Variants in SLC14A2 observed in about 807,000 individuals in gnomAD.
SLC14A2 encodes urea transporter 2.
Under a neutral mutation model 104.6 loss-of-function variants are expected in SLC14A2, and 91 were observed. The observed-to-expected ratio is 0.87, with a 90% CI of 0.73 to 1.04. The LOEUF is 1.04. Ranked by LOEUF, SLC14A2 falls within the 50% of genes least tolerant of loss-of-function variation. The pLI, the probability that SLC14A2 is intolerant of heterozygous loss-of-function variation, is 0.00. For synonymous variants in SLC14A2, 476 were observed against 466.4 expected (o/e 1.02, Z -0.27); for missense variants, 1,189 against 1,156.0 (o/e 1.03, Z -0.41).
chr18:45,186,660 C>G, the SLC14A2 span, among the ~76,000 whole-genome samples: 1 of 152,180 alleles, frequency 6.6e-6, no homozygotes, highest in Non-Finnish European at 1.5e-5. Context: ...ACTCCCAGAT[C>G]TGGAGAGACA....
At chr18:45,568,111 C>T (rs1395284119) in intron 2 of SLC14A2, among the ~76,000 whole-genome samples, 1 of 152,204 alleles carries the variant, frequency 6.6e-6, no homozygotes. Flanking sequence ...GGGCACCAGA[C>T]CCCTCAAAAT....
intron 2 of SLC14A2, among the ~76,000 whole-genome samples, chr18:45,556,138 G>T (rs542435786): frequency 6.6e-6 from 1 of 152,224 alleles, no homozygotes; most frequent in South Asian, 2.1e-4. Context: ...GGTGAAAGGG[G>T]CAAAGACACT....
At chr18:45,242,300 T>C (rs2084325933) in intron 1 of SLC14A2, among the ~76,000 whole-genome samples, 1 of 152,210 alleles carries the variant, frequency 6.6e-6, no homozygotes, top group South Asian at 2.1e-4. Flanking sequence ...TACATTTTCA[T>C]GTAACTTATG....
Position 45,672,052 on chromosome 18 carries a change from T to A in SLC14A2, c.2230-848T>A, listed in dbSNP as rs534798826. On this transcript the variant is annotated intron_variant, in intron 16 of 19. Transcript: ENST00000255226. The stretch of plus-strand genomic sequence containing the variant: ...GGAATCAAGCAGGGTGCCCTGGGGG[T>A]TTATTAATCAAAATAGCAGATGCTG... 4.5e-3 allele frequency among the ~76,000 whole-genome samples: 678 copies of A among 151,900 alleles called. 6 individuals are homozygous for A. The highest frequency in any genetic ancestry group is 0.016 in the African/African-American group (649 of 41,364).
chr18:45,665,556 C>G (rs943392720), intron 11 of SLC14A2, among the ~76,000 whole-genome samples: 2 of 152,032 alleles, frequency 1.3e-5, no homozygotes, highest in African/African-American at 4.8e-5. Flanking sequence ...CAAAAACAAA[C>G]AGAACAGCCT....
the SLC14A2 span, among the ~76,000 whole-genome samples, chr18:45,196,504 G>A: frequency 6.6e-6 from 1 of 152,224 alleles, no homozygotes; most frequent in East Asian, 1.9e-4. Context: ...AGCTGTTGCT[G>A]AGGTTCTTTC....
At chr18:45,564,722 G>A (rs1427695078) in intron 2 of SLC14A2, among the ~76,000 whole-genome samples, 1 of 152,142 alleles carries the variant, frequency 6.6e-6, no homozygotes, top group Admixed American at 6.5e-5. Context: ...ACGTGACTGT[G>A]TACGTGCATT....
Position 45,500,112 on chromosome 18 carries a change from T to C in SLC14A2, c.-35+16790T>C, listed in dbSNP as rs2043167789. Among the ~76,000 whole-genome samples, 3 of 152,194 alleles carry C rather than the reference T, an allele frequency of 2.0e-5. No individual in the cohort carries two copies. The South Asian group carries it at 6.2e-4, about 32-fold the overall frequency. On this transcript the variant is annotated intron_variant, in intron 2 of 20. Transcript: ENST00000586448. ...TAATAATTGGCTACTTATTGTTTTT[T>C]AAAAGGGGGCATGGAGAGAAAGAAT...
intron 10 of SLC14A2, among the ~76,000 whole-genome samples, chr18:45,661,172 G>A (rs1599140024): frequency 6.6e-6 from 1 of 152,240 alleles, no homozygotes; most frequent in Non-Finnish European, 1.5e-5. Flanking sequence ...CTCTGCCAGG[G>A]CAATCACCTA....
intron 2 of SLC14A2, among the ~76,000 whole-genome samples, chr18:45,596,392 T>C (rs1047098195): frequency 5.3e-5 from 8 of 152,184 alleles, no homozygotes; most frequent in Middle Eastern, 3.2e-3. Flanking sequence ...CAAACTCTTA[T>C]TGGGGAACAG....
the SLC14A2 span, among the ~76,000 whole-genome samples, chr18:45,183,905 A>AGTTTTTTTT: frequency 1.4e-5 from 1 of 71,930 alleles, no homozygotes; most frequent in Non-Finnish European, 2.8e-5. Context: ...CTAATTTTCT[A>AGTTTTTTTT]ATTTTTTTTT....
intron 1 of SLC14A2, among the ~76,000 whole-genome samples, chr18:45,269,733 C>T (rs965533940): frequency 3.9e-5 from 6 of 152,182 alleles, no homozygotes; most frequent in African/African-American, 1.2e-4. Context: ...CCCAAAGAGA[C>T]ACCAGGATAA....
At position 45,682,654 on chromosome 18, in the gene SLC14A2, T is replaced by C; in HGVS notation, c.*135T>C. 2 of 699,254 alleles carry C rather than the reference T, an allele frequency of 2.9e-6. No homozygotes were observed. The highest frequency in any genetic ancestry group is 5.1e-6 in the Non-Finnish European group (2 of 388,888). The allele number at this position is 699,254 out of a possible 1,614,324, so 43.3% of individuals were successfully genotyped here. A position where few individuals can be genotyped will look rare whatever the true frequency, so the allele number is the denominator to read the frequency against. Reference sequence around the variant, plus strand: ...CCCCAAACACAAAGAAGCGTGTATGTAGTCACCATTCCAGAACCTCTCTTT... The same window carrying C: ...CCCCAAACACAAAGAAGCGTGTATGCAGTCACCATTCCAGAACCTCTCTTT... On this transcript the variant is annotated 3_prime_UTR_variant, in exon 20 of 20. Coordinates refer to ENST00000255226, the MANE Select transcript of SLC14A2 (RefSeq NM_007163.4).
intron 1 of SLC14A2, among the ~76,000 whole-genome samples, chr18:45,330,057 A>T (rs1037581071): frequency 6.6e-6 from 1 of 152,206 alleles, no homozygotes; most frequent in Non-Finnish European, 1.5e-5. Context: ...TCTACAGAAG[A>T]GGAAACTAAG....
chr18:45,313,904 T>C (rs182376193), intron 1 of SLC14A2, among the ~76,000 whole-genome samples: 21 of 152,356 alleles, frequency 1.4e-4, no homozygotes, highest in African/African-American at 4.8e-4. Context: ...CCTGTTTTTA[T>C]TGTTGAAAAT....
At chr18:45,427,656 A>G (rs2086453722) in intron 1 of SLC14A2, among the ~76,000 whole-genome samples, 1 of 152,200 alleles carries the variant, frequency 6.6e-6, no homozygotes, top group South Asian at 2.1e-4. Context: ...TAGGTTGGAA[A>G]TAATGACTCA....
intron 1 of SLC14A2, among the ~76,000 whole-genome samples, chr18:45,431,471 T>A (rs1448092781): frequency 6.6e-6 from 1 of 152,178 alleles, no homozygotes; most frequent in Non-Finnish European, 1.5e-5. Flanking sequence ...TATTATTTTT[T>A]TAAAAAACTA....
intron 1 of SLC14A2, among the ~76,000 whole-genome samples, chr18:45,259,891 G>A (rs918683854): frequency 2.6e-5 from 4 of 152,166 alleles, no homozygotes; most frequent in African/African-American, 9.7e-5. Context: ...AAAAAATAAC[G>A]GTAGAGCACA....
the SLC14A2 span, among the ~76,000 whole-genome samples, chr18:45,175,041 A>T: frequency 1.2e-3 from 188 of 152,248 alleles, 1 homozygote; most frequent in African/African-American, 4.0e-3. Flanking sequence ...AATGAGTACA[A>T]CCCCGATGAA....
Sources: allele counts gnomAD v4.1 joint callset (sites outside exome capture counted in the v4.1 genomes callset), GRCh38; gene constraint gnomAD v4.1.1; transcripts MANE v1.5; gene names NCBI Gene and HGNC (gene_info 2026-07-23, HGNC 2026-07-21).